The following ZAN variants were observed in gnomAD, a reference collection of about 807,000 sequenced individuals.
The protein encoded by ZAN is zonadhesin (gene/pseudogene).
Under a neutral mutation model 286.2 loss-of-function variants are expected in ZAN, and 260 were observed. That is an observed-to-expected ratio of 0.91 (90% confidence interval 0.82 to 1.01). ZAN has a LOEUF of 1.01. ZAN is among the 50% of genes least tolerant of loss of function. ZAN has a pLI of 0.00. For missense variants in ZAN, 3,410 were observed against 3,639.2 expected (o/e 0.94, Z 1.62); for synonymous variants, 1,368 against 1,417.5 (o/e 0.97, Z 0.79).
intron 42 of ZAN, 26 bp from the exon 43 acceptor site, chr7:100,793,794 G>A (rs1812154194): frequency 6.4e-7 from 1 of 1,557,222 alleles, no homozygotes; most frequent in African/African-American, 1.4e-5. Context: ...GCCCCAGCCA[G>A]TTTCTGACCA....
chr7:100,789,919 TG>T (rs1811825018), intron 39 of ZAN, among the ~76,000 whole-genome samples: 1 of 152,032 alleles, frequency 6.6e-6, no homozygotes, highest in South Asian at 2.1e-4. Flanking sequence ...CACTCCAGCC[TG>T]GGTGACAAGA....
chr7:100,745,567 A>G (rs1425206002), intron 7 of ZAN, among the ~76,000 whole-genome samples: 1 of 149,158 alleles, frequency 6.7e-6, no homozygotes, highest in Admixed American at 6.7e-5. Context: ...GTTTGCGTGA[A>G]TAGGTTATGT....
chr7:100,775,870 A>G, intron 33 of ZAN, 37 bp downstream of exon 33: 1 of 1,603,256 alleles, frequency 6.2e-7, no homozygotes, highest in Non-Finnish European at 8.5e-7. Context: ...CTGGGGAGGC[A>G]GCCCCAGGGA....
At position 100,795,309 on chromosome 7, in the gene ZAN, C is replaced by G; in HGVS notation, c.8239C>G (p.Arg2747Gly). The G allele has an allele frequency of 6.3e-7, 1 of 1,596,852 alleles. No homozygotes were observed. Among genetic ancestry groups the G allele is most frequent in the South Asian group, 1.1e-5 (1 of 89,428 alleles). Residue 2747 changes from arginine (R) to glycine (G), a missense_variant, in exon 45 of 48, where the codon CGA becomes GGA. Physicochemically the swap from Arg to Gly is moderately radical, Grantham distance 125. Coordinates refer to ENST00000613979, the MANE Select transcript of ZAN (RefSeq NM_003386.3). ...GYGGGLCMEP[R>G]DAPPPRKPAS... is the part of the protein sequence containing the mutation. ...CGGGGGAGGCCTGTGTATGGAGCCT[C>G]GAGATGCGCCACCTCCCAGAAAGCC...
At chr7:100,762,413 A>AAC in intron 20 of ZAN, 55 bp downstream of exon 20, 3 of 1,361,576 alleles carry the variant, frequency 2.2e-6, no homozygotes, top group Non-Finnish European at 1.9e-6. Flanking sequence ...CCCTTCCTGG[A>AAC]ACTCTCTTTT....
rs756806444 is a variant in ZAN at position 100,760,406 on chromosome 7, G to A, written c.3712G>A (p.Val1238Ile). ...GRRTLVGGQQ[V>I]TLPAIPSKGV... ...TGCCTTCCAGGTTGGGGGTCAGCAA[G>A]TTACTCTCCCAGCCATACCCTCTAA... Residue 1238 changes from valine to isoleucine, a missense_variant, in exon 19 of 48, where the codon GTT becomes ATT. Physicochemically the swap from Val to Ile is conservative, Grantham distance 29. Coordinates refer to ENST00000613979, the MANE Select transcript of ZAN (RefSeq NM_003386.3). The A allele has an allele frequency of 1.9e-6, 3 of 1,613,858 alleles. 1 individual carries two copies. The highest frequency in any genetic ancestry group is 2.2e-5 in the South Asian group (2 of 91,074).
At position 100,797,768 on chromosome 7, in the gene ZAN, TTAAA is replaced by T. The variant is rs770335499; in HGVS notation, c.*42_*45del. 2 of 1,607,286 alleles carry T rather than the reference TTAAA, an allele frequency of 1.2e-6. No homozygotes were observed. Among genetic ancestry groups the T allele is most frequent in the Non-Finnish European group, 1.7e-6 (2 of 1,176,206 alleles). On this transcript the variant is annotated 3_prime_UTR_variant, in exon 48 of 48. Transcript: ENST00000613979. ...TTTGAGCTGTCTTCAGACAAGAAGA[TTAAA>T]TAAATTTATATATTTATTTATTTGA...
rs756758143 is a variant in ZAN, at chr7:100,751,923, C to T, written c.1818C>T (p.Thr606=). 1 of 1,613,086 alleles carries T rather than the reference C, an allele frequency of 6.2e-7. No homozygotes were observed. Among genetic ancestry groups the T allele is most frequent in the African/African-American group, 1.3e-5 (1 of 74,766 alleles). ...EKPTISTEKP[T]IPSEKPNMPS... ...CCACCATCTCCACAGAAAAACCCAC[C>T]ATTCCTTCAGAAAAACCCAACATGC... Residue 606 remains threonine (T), a synonymous_variant, in exon 14 of 48, where the codon ACC becomes ACT. Coordinates refer to ENST00000613979, the MANE Select transcript of ZAN (RefSeq NM_003386.3).
chr7:100,778,549 A>G (rs1013732271), intron 34 of ZAN, among the ~76,000 whole-genome samples: 1 of 152,122 alleles, frequency 6.6e-6, no homozygotes, highest in Non-Finnish European at 1.5e-5. Context: ...TTGAAGTTGC[A>G]GTGAGCCTTG....
chr7:100,772,111 TG>T, intron 29 of ZAN, 91 bp downstream of exon 29: 1 of 1,316,648 alleles, frequency 7.6e-7, no homozygotes, highest in Non-Finnish European at 1.0e-6. Flanking sequence ...TTTTTTTTTT[TG>T]AGACGGAGTC....
chr7:100,747,499 G>A lies in ZAN; in HGVS notation c.932-51G>A, dbSNP rs374309162. On this transcript the variant is annotated intron_variant, in intron 8 of 47. Coordinates refer to ENST00000613979, the MANE Select transcript of ZAN (RefSeq NM_003386.3). ...ATCCTCCTAGGTATAGTTCAAAGTC[G>A]TTTCCCAGTCCCCTTAAGCTCACTT... 7.8e-5 allele frequency: 120 copies of A among 1,546,678 alleles called. 1 individual carries two copies. The African/African-American group carries it at 1.1e-3, about 14-fold the overall frequency.
At chr7:100,772,592 C>T (rs1562943113) in intron 29 of ZAN, among the ~76,000 whole-genome samples, 1 of 151,898 alleles carries the variant, frequency 6.6e-6, no homozygotes, top group Non-Finnish European at 1.5e-5. Context: ...GAGGCCGAGG[C>T]AGGTGGATCA....
At chr7:100,762,122 T>C (rs1809623899) in intron 19 of ZAN, 93 bp from the exon 20 acceptor site, 1 of 1,533,728 alleles carries the variant, frequency 6.5e-7, no homozygotes, top group Non-Finnish European at 8.9e-7. Flanking sequence ...CCCTCTGTTT[T>C]AGGATCCCAG....
At chr7:100,772,094 A>ATT in intron 29 of ZAN, 74 bp downstream of exon 29, 2 of 1,349,794 alleles carry the variant, frequency 1.5e-6, no homozygotes. Context: ...CTTCCTCTAA[A>ATT]TTCTTTTTTT....
At chr7:100,796,133 C>G (rs1812348993) in intron 45 of ZAN, among the ~76,000 whole-genome samples, 1 of 151,972 alleles carries the variant, frequency 6.6e-6, no homozygotes, top group African/African-American at 2.4e-5. Context: ...CTGTGCCCAT[C>G]TCCTACCTAT....
intron 35 of ZAN, among the ~76,000 whole-genome samples, chr7:100,780,296 A>G (rs1295958251): frequency 1.3e-5 from 2 of 152,150 alleles, no homozygotes; most frequent in East Asian, 1.9e-4. Context: ...AATTCAATAG[A>G]GTTTTTTTTA....
Position 100,766,998 on chromosome 7 carries a change from T to C in ZAN, c.4613-12T>C, listed in dbSNP as rs1288084301. On this transcript the variant is annotated splice_polypyrimidine_tract_variant and intron_variant, in intron 24 of 47. Coordinates refer to ENST00000613979, the MANE Select transcript of ZAN (RefSeq NM_003386.3). ...AGGAGTGAGACTGTGAACTCCATCT[T>C]CTTCTCCACAGGTGCCGCCACCTGC... 4 of 1,612,856 alleles carry C rather than the reference T, an allele frequency of 2.5e-6. No individual in the cohort carries two copies.
In ZAN at chr7:100,784,777, C is replaced by T. The variant is rs758357622; in HGVS notation, c.6777C>T (p.Asp2259=). 5.0e-6 allele frequency: 8 copies of T among 1,613,136 alleles called. No individual in the cohort carries two copies. The African/African-American group carries it at 1.1e-4, about 22-fold the overall frequency. Residue 2259 remains aspartate (D), a synonymous_variant, in exon 36 of 48, where the codon GAC becomes GAT. Coordinates refer to ENST00000613979, the MANE Select transcript of ZAN (RefSeq NM_003386.3). The part of the protein sequence containing the change: ...ICQPGYVLSE[D]KCVPRSQCGC... ...AGCCCGGCTATGTGCTGAGTGAAGA[C>T]AAGTGTGTCCCCAGAAGTCAGTGTG...
chr7:100,775,539 T>A lies in ZAN; in HGVS notation c.5991T>A (p.Asp1997Glu). The A allele has an allele frequency of 6.2e-7, 1 of 1,613,912 alleles. No homozygotes were observed. The highest frequency in any genetic ancestry group is 8.5e-7 in the Non-Finnish European group (1 of 1,179,846). ...RLHEVYIDIY[D>E]AQVTLQKGHR... ...ATGAGGTCTACATTGACATCTACGA[T>A]GCCCAGGTCACCCTGCAGAAGGGCC... Residue 1997 changes from aspartate (D) to glutamate (E), a missense_variant, in exon 32 of 48, where the codon GAT (aspartate) becomes GAA (glutamate). Coordinates refer to ENST00000613979, the MANE Select transcript of ZAN (RefSeq NM_003386.3).
Sources: allele counts gnomAD v4.1 joint callset (sites outside exome capture counted in the v4.1 genomes callset), GRCh38; gene constraint gnomAD v4.1.1; transcripts MANE v1.5; gene names NCBI Gene and HGNC (gene_info 2026-07-23, HGNC 2026-07-21).